Variants in MYO1C observed in about 807,000 individuals in gnomAD.
The protein encoded by MYO1C is myosin IC, also known as unconventional myosin-Ic.
A neutral mutation model predicts 150.8 loss-of-function variants in MYO1C; 104 were observed. The observed-to-expected ratio is 0.69, with a 90% confidence interval of 0.59 to 0.81. The LOEUF (loss-of-function observed/expected upper bound fraction) is 0.81, where lower values mean the gene tolerates loss of function less well. MYO1C is among the 30% of genes least tolerant of loss of function. The pLI is 0.00. For missense variants in MYO1C, 1,504 were observed against 1,435.0 expected, an observed-to-expected ratio of 1.05 and a Z score of -0.78; for synonymous variants, 663 against 579.9, an observed-to-expected ratio of 1.14 and a Z score of -2.06.
chr17:1,485,592 A>T, intron 1 of MYO1C: 1 of 921,062 alleles, frequency 1.1e-6, no homozygotes, highest in Non-Finnish European at 1.4e-6. Context: ...TCCACCCGGA[A>T]TTCCTGGGCC....
rs768445777 is a variant in MYO1C, at chr17:1,478,859, G to A, written c.1093-124C>T. On this transcript the variant is annotated intron_variant, in intron 9 of 31. Coordinates refer to ENST00000648651, the MANE Select transcript of MYO1C (RefSeq NM_001080779.2). This position sits in a 1 kb window ranked among gnomAD's most constrained non-coding sequence, Gnocchi z 6.3. ...CACTCCCAGCTCCAGCAAGCCTGCA[G>A]TATGGGGAGGGGTGCTGGTAGTGGG... 67 of 1,471,894 alleles carry A rather than the reference G, an allele frequency of 4.6e-5. No homozygotes were observed. The highest frequency in any genetic ancestry group is 6.1e-5 in the Non-Finnish European group (66 of 1,082,330). The allele number at this position is 1,471,894 out of a possible 1,614,324, so 91.2% of individuals were successfully genotyped here.
chr17:1,474,887 G>C lies in MYO1C; in HGVS notation c.1670-29C>G, dbSNP rs369539723. The C allele has an allele frequency of 2.1e-5, 34 of 1,613,694 alleles. No individual in the cohort carries two copies. In the African/African-American group the frequency reaches 3.5e-4, roughly 16 times the overall value. On this transcript the variant is annotated intron_variant, in intron 15 of 31. Coordinates refer to ENST00000648651, the MANE Select transcript of MYO1C (RefSeq NM_001080779.2). ...GGAGGGGAGAACCGACGTGAGGTGA[G>C]ACAGAGCCTCCCCGCAGGCCCCTGT...
intron 25 of MYO1C, 115 bp downstream of exon 25, chr17:1,469,397 TCGGGGTAAATACGGTAGAA>T: frequency 1.4e-6 from 1 of 694,994 alleles, no homozygotes; most frequent in Non-Finnish European, 2.5e-6. Context: ...ATACGGTAGA[TCGGGGTAAATACGGTAGAA>T]CGCGGTAAAT....
chr17:1,479,551 C>CCCCCCCCCGACA lies in MYO1C; in HGVS notation c.1020+40_1020+41insTGTCGGGGGGGG. ...GGTGAGGGTGCACCCCCAGCCCCCGCCCCCGCCGTCCTCCCGTCGCCCTCT... is the reference window on the plus strand; with the variant it reads ...GGTGAGGGTGCACCCCCAGCCCCCGCCCCCCCCCGACACCCCGCCGTCCTCCCGTCGCCCTCT... On this transcript the variant is annotated intron_variant, in intron 8 of 31. Coordinates refer to ENST00000648651, the MANE Select transcript of MYO1C (RefSeq NM_001080779.2). The surrounding 1 kb of genome is among the most constrained non-coding windows in gnomAD (Gnocchi z 4.2). 1 of 1,372,698 alleles carries CCCCCCCCCGACA rather than the reference C, an allele frequency of 7.3e-7. No homozygotes were observed. The highest frequency in any genetic ancestry group is 1.0e-6 in the Non-Finnish European group (1 of 977,956). 85.0% of individuals were successfully genotyped at this position (1,372,698 alleles called of 1,614,324 possible).
intron 17 of MYO1C, 99 bp downstream of exon 17, chr17:1,474,511 C>T: frequency 1.6e-6 from 2 of 1,235,734 alleles, no homozygotes; most frequent in Non-Finnish European, 2.4e-6. Context: ...CACGGGCTCA[C>T]ACGCGTTCAC....
chr17:1,474,644 C>A lies in MYO1C; in HGVS notation c.1763G>T (p.Arg588Leu), dbSNP rs45542341. 8.9e-5 allele frequency: 144 copies of A among 1,613,884 alleles called. No individual in the cohort carries two copies. Among genetic ancestry groups the A allele is most frequent in the Non-Finnish European group, 1.1e-4 (130 of 1,179,968 alleles). Residue 588 changes from arginine to leucine, a missense_variant, in exon 17 of 32, where the codon CGG becomes CTG. Coordinates refer to ENST00000648651, the MANE Select transcript of MYO1C (RefSeq NM_001080779.2). ...CCGCTTCTTGTCACTGAGCTCGCTC[C>A]GGTCAAAGCACTGGCTCATAATGGG... ...KNPIMSQCFD[R>L]SELSDKKRPE...
Position 1,477,962 on chromosome 17 carries a change from C to A in MYO1C, c.1411G>T (p.Val471Phe), listed in dbSNP as rs147805425. The A allele has an allele frequency of 4.3e-6, 7 of 1,613,986 alleles. No homozygotes were observed. Among genetic ancestry groups the A allele is most frequent in the African/African-American group, 1.3e-5 (1 of 74,920 alleles). Reference sequence around the variant, plus strand: ...ATGATTTTGTTGTTGAAATACTGGACGGGCTCCCACTGAGGGGCAGAAGGG... The same window carrying A: ...ATGATTTTGTTGTTGAAATACTGGAAGGGCTCCCACTGAGGGGCAGAAGGG... ...YEAEGIAWEP[V>F]QYFNNKIICD... Residue 471 changes from valine (V) to phenylalanine (F), a missense_variant, in exon 13 of 32, where the codon GTC (valine) becomes TTC (phenylalanine). Transcript: ENST00000648651.
chr17:1,478,474 A>G lies in MYO1C; in HGVS notation c.1231T>C (p.Trp411Arg). Residue 411 changes from tryptophan to arginine, a missense_variant, in exon 11 of 32, where the codon TGG becomes CGG. Trp to Arg is a moderately radical substitution (Grantham distance 101, BLOSUM62 -3). Transcript: ENST00000648651. This position sits in a 1 kb window ranked among gnomAD's most constrained non-coding sequence, Gnocchi z 6.3. ...LASKDVESPSWRSTTVLGLLD... is the reference protein window; with the variant it reads ...LASKDVESPSRRSTTVLGLLD... Reference sequence around the variant, plus strand: ...AGCCCGAGAACCGTGGTGCTCCGCCAGCTGGGGCTCTCCACGTCCTAGGGC... The same window carrying G: ...AGCCCGAGAACCGTGGTGCTCCGCCGGCTGGGGCTCTCCACGTCCTAGGGC... The G allele has an allele frequency of 6.2e-7, 1 of 1,614,192 alleles. No homozygotes were observed. The highest frequency in any genetic ancestry group is 1.1e-5 in the South Asian group (1 of 91,082).
rs553416444 is a variant in MYO1C at position 1,478,717 on chromosome 17, G to C, written c.1111C>G (p.Leu371Val). The C allele has an allele frequency of 6.2e-7, 1 of 1,614,146 alleles. No individual in the cohort carries two copies. The highest frequency in any genetic ancestry group is 1.3e-5 in the African/African-American group (1 of 75,062). Residue 371 changes from leucine to valine, a missense_variant, in exon 10 of 32, where the codon CTG (leucine) becomes GTG (valine). Transcript: ENST00000648651. The surrounding 1 kb of genome is among the most constrained non-coding windows in gnomAD (Gnocchi z 6.3). ...KGEELLSPLN[L>V]EQAAYARDAL... Reference sequence around the variant, plus strand: ...TCTCGTGCGTACGCGGCCTGCTCCAGGTTCAGCGGGCTCAGGAGCTGTGGA... The same window carrying C: ...TCTCGTGCGTACGCGGCCTGCTCCACGTTCAGCGGGCTCAGGAGCTGTGGA...
intron 21 of MYO1C, 163 bp from the exon 22 acceptor site, chr17:1,470,852 A>C: frequency 2.3e-6 from 1 of 434,086 alleles, no homozygotes; most frequent in Non-Finnish European, 3.9e-6. Flanking sequence ...TGCCCGGAAA[A>C]GGGGGGCGGC....
intron 1 of MYO1C, chr17:1,485,800 C>T (rs1442654653): frequency 1.6e-6 from 1 of 644,150 alleles, no homozygotes; most frequent in Non-Finnish European, 2.0e-6. Flanking sequence ...CGAGGGAGGG[C>T]CCGCCCCCCG....
chr17:1,470,638 A>T lies in MYO1C; in HGVS notation c.2264T>A (p.Leu755His). ...WRGFHWRQKF[L>H]RVKRSAICIQ... Reference sequence around the variant, plus strand: ...CCGCGAACCTGATCTCTTCACCCGGAGGAATTTCTGCCGCCAGTGAAAGCC... The same window carrying T: ...CCGCGAACCTGATCTCTTCACCCGGTGGAATTTCTGCCGCCAGTGAAAGCC... Residue 755 changes from leucine (L) to histidine (H), a missense_variant, in exon 22 of 32, where the codon CTC (leucine) becomes CAC (histidine). Leu to His is a moderately conservative substitution (Grantham distance 99, BLOSUM62 -3). Transcript: ENST00000648651. 2.5e-6 allele frequency: 4 copies of T among 1,607,998 alleles called. No homozygotes were observed. Among genetic ancestry groups the T allele is most frequent in the Non-Finnish European group, 3.4e-6 (4 of 1,178,312 alleles).
Position 1,470,533 on chromosome 17 carries a change from C to G in MYO1C, c.2282-14G>C. The stretch of plus-strand genomic sequence containing the variant: ...GGATGCAGATGGCTGTCGTGGAGAC[C>G]ACAGATGGCTGAACTCTATCTTCTT... On this transcript the variant is annotated splice_polypyrimidine_tract_variant and intron_variant, in intron 22 of 31. Transcript: ENST00000648651. 2 of 1,556,038 alleles carry G rather than the reference C, an allele frequency of 1.3e-6. No homozygotes were observed. The highest frequency in any genetic ancestry group is 2.7e-5 in the African/African-American group (2 of 73,520).
At chr17:1,473,808 A>G (rs1405768960) in intron 17 of MYO1C, among the ~76,000 whole-genome samples, 1 of 152,004 alleles carries the variant, frequency 6.6e-6, no homozygotes, top group Non-Finnish European at 1.5e-5. Context: ...TTCCCAAGTC[A>G]TCTCCAATGC....
intron 14 of MYO1C, among the ~76,000 whole-genome samples, chr17:1,476,067 G>C (rs995786438): frequency 6.6e-6 from 1 of 152,102 alleles, no homozygotes; most frequent in Non-Finnish European, 1.5e-5. Flanking sequence ...TTCCAACTTT[G>C]CTGTAATAAG....
chr17:1,479,619 G>A lies in MYO1C; in HGVS notation c.993C>T (p.Thr331=), dbSNP rs765067572. 2.3e-5 allele frequency: 37 copies of A among 1,613,370 alleles called. No homozygotes were observed. In the East Asian group the frequency reaches 3.3e-4, roughly 15 times the overall value. The stretch of plus-strand genomic sequence containing the variant: ...TGGTCAGATACTTGAGCTGGTTCTC[G>A]GTGGTGACCTGGGCATTGCTCTCCT... ...ANEESNAQVT[T]ENQLKYLTRL... Residue 331 remains threonine, a synonymous_variant, in exon 8 of 32, where the codon ACC becomes ACT. Transcript: ENST00000648651. This position sits in a 1 kb window ranked among gnomAD's most constrained non-coding sequence, Gnocchi z 4.2.
chr17:1,476,023 T>C (rs1046258946), intron 14 of MYO1C, among the ~76,000 whole-genome samples: 1 of 152,238 alleles, frequency 6.6e-6, no homozygotes, highest in Non-Finnish European at 1.5e-5. Context: ...CCATGGCCTT[T>C]GGGCGACGGG....
At chr17:1,485,714 T>G in intron 1 of MYO1C, 1 of 1,174,248 alleles carries the variant, frequency 8.5e-7, no homozygotes, top group Non-Finnish European at 1.1e-6. Context: ...TAGCGCATCC[T>G]GCCCGGCCGG....
chr17:1,487,391 C>T (rs1249905469), intron 1 of MYO1C, among the ~76,000 whole-genome samples: 2 of 152,244 alleles, frequency 1.3e-5, no homozygotes, highest in Non-Finnish European at 2.9e-5. Flanking sequence ...CCACCCCCAG[C>T]TCGCGGACCC....
Sources: allele counts gnomAD v4.1 joint callset (sites outside exome capture counted in the v4.1 genomes callset), GRCh38; gene constraint gnomAD v4.1.1; non-coding constraint Gnocchi (gnomAD v3.1); transcripts MANE v1.5; gene names NCBI Gene and HGNC (gene_info 2026-07-23, HGNC 2026-07-21).